The following RB1CC1 variants were observed in gnomAD, a reference collection of about 807,000 sequenced individuals.
RB1CC1 encodes the protein RB1-inducible coiled-coil protein 1.
A neutral mutation model predicts 177.5 loss-of-function variants in RB1CC1; 46 were observed. The observed-to-expected ratio is 0.26, with a 90% CI of 0.20 to 0.33. The LOEUF is 0.33. RB1CC1 is among the 10% of genes least tolerant of loss of function. RB1CC1 has a pLI of 1.00. For missense variants in RB1CC1, 1,703 were observed against 1,816.3 expected (o/e 0.94, Z 1.13); for synonymous variants, 666 against 613.6 (o/e 1.09, Z -1.26).
rs778464971 is a variant in RB1CC1, at chr8:52,642,780, T to C, written c.4020A>G (p.Lys1340=). Residue 1340 remains lysine, a synonymous_variant, in exon 17 of 24, where the codon AAA becomes AAG. Transcript: ENST00000025008. ...TNFNTVLTRE[K]MRKENIINDL... ...CATTTATTATGTTTTCTTTTCTCAT[T>C]TTCTCTCTTGTTAAAACAGTGTTAA... The C allele has an allele frequency of 1.3e-6, 2 of 1,571,632 alleles. No homozygotes were observed. The highest frequency in any genetic ancestry group is 1.7e-6 in the Non-Finnish European group (2 of 1,167,192).
chr8:52,683,576 A>T lies in RB1CC1; in HGVS notation c.342T>A (p.Thr114=), dbSNP rs767111968. The change falls in exon 5 of 24, where the codon ACT becomes ACA. Residue 114 remains threonine, a synonymous_variant. Coordinates refer to ENST00000025008, the MANE Select transcript of RB1CC1 (RefSeq NM_014781.5). ...ATGCAAGCTGTGTCCTTGAAGCAAC[A>T]GTATGAAAAACTGCAGGCATCATAA... ...ESLMMPAVFH[T]VASRTQLALE... 1.3e-6 allele frequency: 2 copies of T among 1,595,030 alleles called. No homozygotes were observed. The highest frequency in any genetic ancestry group is 3.6e-5 in the Admixed American group (2 of 55,140).
chr8:52,686,881 T>A lies in RB1CC1; in HGVS notation c.-80A>T. 1 of 456,536 alleles carries A rather than the reference T, an allele frequency of 2.2e-6. No individual in the cohort carries two copies. Among genetic ancestry groups the A allele is most frequent in the African/African-American group, 2.0e-5 (1 of 50,182 alleles). The allele number at this position is 456,536 out of a possible 1,614,324, so 28.3% of individuals were successfully genotyped here. On this transcript the variant is annotated 5_prime_UTR_variant, in exon 2 of 24. In the 5' UTR this introduces an upstream ATG that the reference lacks. Coordinates refer to ENST00000025008, the MANE Select transcript of RB1CC1 (RefSeq NM_014781.5). The stretch of plus-strand genomic sequence containing the variant: ...CAGGCACTGTGAAAAGGACTACCAC[T>A]TTTCTTAAAAAGTAGATTAAAACTG...
intron 1 of RB1CC1, among the ~76,000 whole-genome samples, chr8:52,713,308 T>C (rs774180027): frequency 1.3e-5 from 2 of 152,230 alleles, no homozygotes; most frequent in Non-Finnish European, 2.9e-5. Context: ...TGGAAACGAC[T>C]AGATTACGAA....
chr8:52,696,041 T>TTACAC (rs1855371469), intron 1 of RB1CC1, among the ~76,000 whole-genome samples: 3 of 152,156 alleles, frequency 2.0e-5, no homozygotes, highest in Admixed American at 6.5e-5. Flanking sequence ...TACACACTCA[T>TTACAC]ACTATGGTTT....
At chr8:52,632,190 TG>T (rs1289006367) in intron 20 of RB1CC1, among the ~76,000 whole-genome samples, 2 of 152,166 alleles carry the variant, frequency 1.3e-5, no homozygotes, top group African/African-American at 2.4e-5. Context: ...ACCTGAAGCA[TG>T]GAAACCAAGG....
intron 1 of RB1CC1, among the ~76,000 whole-genome samples, chr8:52,704,472 A>ACAACAAAC (rs375374201): frequency 2.1e-5 from 3 of 139,760 alleles, no homozygotes; most frequent in African/African-American, 5.3e-5. Context: ...AAAAAAAAAA[A>ACAACAAAC]AACACAAAAG....
chr8:52,673,714 A>T, intron 7 of RB1CC1, 131 bp downstream of exon 7: 1 of 826,284 alleles, frequency 1.2e-6, no homozygotes, highest in Non-Finnish European at 1.8e-6. Context: ...AACCTATGTT[A>T]AAAGTTTCAC....
At chr8:52,637,545 C>T (rs1355105363) in intron 18 of RB1CC1, among the ~76,000 whole-genome samples, 1 of 152,156 alleles carries the variant, frequency 6.6e-6, no homozygotes, top group African/African-American at 2.4e-5. Context: ...TCCAACATTA[C>T]TGAACTAGTT....
At chr8:52,681,165 C>CG (rs1853683619) in intron 5 of RB1CC1, among the ~76,000 whole-genome samples, 1 of 150,398 alleles carries the variant, frequency 6.6e-6, no homozygotes, top group African/African-American at 2.5e-5. Flanking sequence ...CTAATTTTTG[C>CG]ATTTTTTTTT....
intron 5 of RB1CC1, among the ~76,000 whole-genome samples, chr8:52,680,028 A>T (rs1853552246): frequency 6.6e-6 from 1 of 152,162 alleles, no homozygotes; most frequent in Non-Finnish European, 1.5e-5. Flanking sequence ...GCTCACCAGG[A>T]AGTGCTATCT....
rs369128623 is a variant in RB1CC1, at chr8:52,661,022, C to T, written c.1546-15G>A. 43 of 1,611,876 alleles carry T rather than the reference C, an allele frequency of 2.7e-5. No individual in the cohort carries two copies. The African/African-American group carries it at 4.5e-4, about 17-fold the overall frequency. On this transcript the variant is annotated splice_polypyrimidine_tract_variant and intron_variant, in intron 10 of 23. Coordinates refer to ENST00000025008, the MANE Select transcript of RB1CC1 (RefSeq NM_014781.5). ...GCACCAGCCCACTAGAAGAGGAAAG[C>T]TTATGTTAAACATAAACATACACCA...
intron 20 of RB1CC1, 60 bp from the exon 21 acceptor site, chr8:52,630,588 T>C (rs1848686665): frequency 1.3e-6 from 2 of 1,498,290 alleles, no homozygotes; most frequent in Admixed American, 2.7e-5. Context: ...GCATTCTTAC[T>C]GCAAAAATTT....
intron 1 of RB1CC1, among the ~76,000 whole-genome samples, chr8:52,699,800 G>A (rs1375744079): frequency 2.9e-4 from 16 of 54,838 alleles, no homozygotes; most frequent in Admixed American, 9.8e-4. Flanking sequence ...GTGAATCTCC[G>A]TCTCAAAAAA....
At chr8:52,627,338 C>T (rs879138943) in intron 22 of RB1CC1, among the ~76,000 whole-genome samples, 2 of 152,126 alleles carry the variant, frequency 1.3e-5, no homozygotes, top group Non-Finnish European at 2.9e-5. Context: ...CAGAGCAAGA[C>T]TCCGTTTCGA....
chr8:52,685,339 T>C, intron 3 of RB1CC1, 60 bp downstream of exon 3: 1 of 1,259,572 alleles, frequency 7.9e-7, no homozygotes, highest in South Asian at 1.3e-5. Flanking sequence ...AGAATAATAT[T>C]TCTTTAACTT....
rs1467472750 is a variant in RB1CC1 at position 52,644,606 on chromosome 8, T to C, written c.3987+1096A>G. Among the ~76,000 whole-genome samples the C allele has an allele frequency of 2.0e-5, 3 of 152,184 alleles. No homozygotes were observed. In the East Asian group the frequency reaches 5.8e-4, roughly 29 times the overall value. On this transcript the variant is annotated intron_variant, in intron 16 of 23. Transcript: ENST00000025008. Reference sequence around the variant, plus strand: ...TATTCCTCCTCCCTGAACACTTAACTTTCCTTGGCTTCCCTTAAGCCACAC... The same window carrying C: ...TATTCCTCCTCCCTGAACACTTAACCTTCCTTGGCTTCCCTTAAGCCACAC...
chr8:52,643,886 G>C (rs150767669), intron 16 of RB1CC1, among the ~76,000 whole-genome samples: 1 of 151,850 alleles, frequency 6.6e-6, no homozygotes, highest in African/African-American at 2.4e-5. Context: ...GCAATAGGGA[G>C]ATTTAGGAAA....
intron 1 of RB1CC1, among the ~76,000 whole-genome samples, chr8:52,701,011 G>GT (rs1358365820): frequency 2.0e-5 from 3 of 152,152 alleles, no homozygotes; most frequent in African/African-American, 7.2e-5. Context: ...GATTCTACAA[G>GT]TAAGTTGTAT....
Position 52,642,469 on chromosome 8 carries a change from G to A in RB1CC1, c.4219C>T (p.Pro1407Ser), listed in dbSNP as rs1849665922. The change falls in exon 18 of 24, where the codon CCA becomes TCA. Residue 1407 changes from proline to serine, a missense_variant. Pro to Ser is a moderately conservative substitution (Grantham distance 74, BLOSUM62 -1). Around this residue, in one of 6 missense-constraint regions of RB1CC1, gnomAD observed 1,169 missense variants for 1,184.7 expected, o/e 0.99. Coordinates refer to ENST00000025008, the MANE Select transcript of RB1CC1 (RefSeq NM_014781.5). ...GGTGCACAAGCTCCATAAAGTTCTG[G>A]GGCTGTAGCTACATATGGTGAAGGA... The part of the protein sequence containing the change: ...FVPSPYVATA[P>S]ELYGACAPEL... 6.2e-7 allele frequency: 1 copy of A among 1,613,810 alleles called. No homozygotes were observed. The highest frequency in any genetic ancestry group is 1.7e-5 in the Admixed American group (1 of 59,982).
Sources: allele counts gnomAD v4.1 joint callset (sites outside exome capture counted in the v4.1 genomes callset), GRCh38; gene constraint gnomAD v4.1.1; regional missense constraint gnomAD v4.1.1; transcripts MANE v1.5; gene names NCBI Gene and HGNC (gene_info 2026-07-23, HGNC 2026-07-21).